The following PAXBP1 variants were observed in gnomAD, a reference collection of about 807,000 sequenced individuals.
PAXBP1 encodes PAX3- and PAX7-binding protein 1.
PAXBP1 carries 44 observed loss-of-function variants against 119.9 expected under a neutral mutation model. That is an observed-to-expected ratio of 0.37 (90% CI 0.29 to 0.47). PAXBP1 has a LOEUF of 0.47. PAXBP1 is among the 20% of genes least tolerant of loss of function. PAXBP1 has a pLI of 0.99. For missense variants in PAXBP1, 898 were observed against 1,134.1 expected (o/e 0.79, Z 2.99); for synonymous variants, 393 against 406.6 (o/e 0.97, Z 0.40).
At chr21:32,739,860 T>G (rs1200832788) in intron 15 of PAXBP1, among the ~76,000 whole-genome samples, 1 of 147,634 alleles carries the variant, frequency 6.8e-6, no homozygotes, top group Non-Finnish European at 1.5e-5. Context: ...ATCCCAGTAC[T>G]TTGGGAGGCC....
At chr21:32,762,016 A>C (rs556361541) in intron 4 of PAXBP1, 80 bp downstream of exon 4, 1 of 1,441,632 alleles carries the variant, frequency 6.9e-7, no homozygotes, top group Admixed American at 1.8e-5. Flanking sequence ...CTCTGGCCTA[A>C]GTGATGGAAT....
At chr21:32,741,334 GCA>G in intron 15 of PAXBP1, 1 of 450,452 alleles carries the variant, frequency 2.2e-6, no homozygotes, top group Non-Finnish European at 4.0e-6. Flanking sequence ...CTGACAAGAG[GCA>G]AATTAACAGG....
chr21:32,756,242 C>T, intron 7 of PAXBP1: 1 of 529,286 alleles, frequency 1.9e-6, no homozygotes, highest in Non-Finnish European at 3.9e-6. Flanking sequence ...ACACTAATGA[C>T]CACTACACAT....
At chr21:32,752,348 T>C (rs1298337857) in intron 8 of PAXBP1, among the ~76,000 whole-genome samples, 2 of 151,306 alleles carry the variant, frequency 1.3e-5, no homozygotes, top group Non-Finnish European at 2.9e-5. Context: ...AAAGAAGGGG[T>C]GGGGGAAACA....
chr21:32,767,834 CT>C (rs2044269816), intron 2 of PAXBP1, among the ~76,000 whole-genome samples: 1 of 152,206 alleles, frequency 6.6e-6, no homozygotes, highest in Non-Finnish European at 1.5e-5. Flanking sequence ...TGAAAACAGA[CT>C]TAATACAACA....
chr21:32,747,915 G>C (rs1367602645), intron 11 of PAXBP1, among the ~76,000 whole-genome samples: 2 of 150,868 alleles, frequency 1.3e-5, no homozygotes, highest in African/African-American at 4.9e-5. Context: ...CCCCGAAGTA[G>C]CTAGGAATAT....
intron 2 of PAXBP1, among the ~76,000 whole-genome samples, chr21:32,766,892 T>C (rs2044250691): frequency 3.9e-5 from 6 of 152,230 alleles, no homozygotes; most frequent in Admixed American, 3.9e-4. Context: ...CTGACTTTTC[T>C]TGTACTAGTT....
intron 2 of PAXBP1, among the ~76,000 whole-genome samples, chr21:32,766,725 G>T (rs1446424082): frequency 6.6e-6 from 1 of 152,150 alleles, no homozygotes; most frequent in Non-Finnish European, 1.5e-5. Context: ...ATATATGATA[G>T]CATCATCAAG....
chr21:32,742,316 C>T (rs1370480307), intron 15 of PAXBP1: 1 of 152,060 alleles, frequency 6.6e-6, no homozygotes, highest in Non-Finnish European at 1.5e-5. Context: ...CAAAGTATTT[C>T]AAATGACCTA....
chr21:32,764,904 C>A (rs2044215004), intron 2 of PAXBP1, among the ~76,000 whole-genome samples: 1 of 152,210 alleles, frequency 6.6e-6, no homozygotes, highest in East Asian at 1.9e-4. Context: ...AGCATTACTT[C>A]ATTTTATGTT....
Position 32,737,379 on chromosome 21 carries a change from G to T in PAXBP1, c.2511C>A (p.Phe837Leu). Residue 837 changes from phenylalanine to leucine, a missense_variant, in exon 17 of 18, where the codon TTC (phenylalanine) becomes TTA (leucine). Physicochemically the swap from Phe to Leu is conservative, Grantham distance 22. This residue lies in a region of PAXBP1 where 599 missense variants were observed against 852.7 expected (regional missense o/e 0.70). Coordinates refer to ENST00000331923, the MANE Select transcript of PAXBP1 (RefSeq NM_016631.4). ...TAGTCCTTTCTCCTTTCAGATTCAT[G>T]AACCATTGTTTGGGGAAACAATTGA... ...NVINCFPKQW[F>L]MNLKGERTIS... 6.2e-7 allele frequency: 1 copy of T among 1,607,714 alleles called. No individual in the cohort carries two copies. The highest frequency in any genetic ancestry group is 1.1e-5 in the South Asian group (1 of 90,252).
rs1048823067 is a variant in PAXBP1 at position 32,761,055 on chromosome 21, G to T, written c.975+4C>A. The T allele has an allele frequency of 6.3e-7, 1 of 1,598,472 alleles. No individual in the cohort carries two copies. On this transcript the variant is annotated splice_donor_region_variant and intron_variant, in intron 5 of 17. Transcript: ENST00000331923. ...TAATTTTTAGTTTAATTCTTTTGTC[G>T]TACCTGAGGGATATTAATTCCTTTC...
chr21:32,762,801 CT>C (rs2044171434), intron 3 of PAXBP1, among the ~76,000 whole-genome samples: 1 of 150,282 alleles, frequency 6.7e-6, no homozygotes, highest in Admixed American at 6.7e-5. Context: ...ATCCCAGCTA[CT>C]TGGGAGGCTA....
chr21:32,736,653 T>A (rs2043697055), intron 17 of PAXBP1, among the ~76,000 whole-genome samples: 1 of 152,178 alleles, frequency 6.6e-6, no homozygotes, highest in African/African-American at 2.4e-5. Context: ...TTTGACATTA[T>A]GAAGATATAT....
chr21:32,755,152 A>G, intron 8 of PAXBP1, 78 bp downstream of exon 8: 1 of 1,332,400 alleles, frequency 7.5e-7, no homozygotes, highest in Non-Finnish European at 1.0e-6. Context: ...AAGCTCCAAG[A>G]TCTCTAATTT....
Position 32,759,428 on chromosome 21 carries a change from C to T in PAXBP1, c.1194-159G>A. On this transcript the variant is annotated intron_variant, in intron 6 of 17. Coordinates refer to ENST00000331923, the MANE Select transcript of PAXBP1 (RefSeq NM_016631.4). ...CTGTACTGCTTTTTTTCTCAAAAAA[C>T]AAAAAATGGCAGTTTACAGATTTCA... The T allele has an allele frequency of 1.5e-5, 12 of 791,132 alleles. No individual in the cohort carries two copies. The South Asian group carries it at 2.5e-4, about 17-fold the overall frequency. 49.0% of individuals were successfully genotyped at this position (791,132 alleles called of 1,614,324 possible). A position where few individuals can be genotyped will look rare whatever the true frequency, so the allele number is the denominator to read the frequency against.
intron 11 of PAXBP1, among the ~76,000 whole-genome samples, chr21:32,747,946 A>G (rs1015105885): frequency 6.7e-6 from 1 of 149,972 alleles, no homozygotes; most frequent in Non-Finnish European, 1.5e-5. Context: ...CACCACAGCT[A>G]ATTTTTTTTT....
At chr21:32,741,588 G>A (rs777085835) in intron 15 of PAXBP1, 1 of 767,002 alleles carries the variant, frequency 1.3e-6, no homozygotes, top group Non-Finnish European at 2.4e-6. Context: ...TCTGGGTATG[G>A]GGCAGGACCC....
At chr21:32,743,203 A>C (rs2043815537) in intron 15 of PAXBP1, 45 bp downstream of exon 15, 2 of 1,398,562 alleles carry the variant, frequency 1.4e-6, no homozygotes, top group Non-Finnish European at 9.9e-7. Flanking sequence ...TAATATATGA[A>C]GTCAAACGAA....
Sources: gnomAD v4.1 joint callset for allele counts (sites outside exome capture counted in the v4.1 genomes callset) on GRCh38, gnomAD v4.1.1 for gene constraint, gnomAD v4.1.1 regional missense constraint, MANE v1.5 for transcripts, NCBI Gene and HGNC (gene_info 2026-07-23, HGNC 2026-07-21) for gene names.